The following RYR3 variants were observed in gnomAD, a reference collection of about 807,000 sequenced individuals.
The protein encoded by RYR3 is brain ryanodine receptor-calcium release channel.
Under a neutral mutation model 584.3 loss-of-function variants are expected in RYR3, and 207 were observed. The observed-to-expected ratio is 0.35, with a 90% CI of 0.32 to 0.40. The LOEUF is 0.40. Among genes scored for constraint, RYR3 ranks in the 10% least tolerant of loss-of-function variants. The pLI, the probability that RYR3 is intolerant of heterozygous loss-of-function variation, is 1.00. For synonymous variants in RYR3, 2,416 were observed against 2,248.5 expected, an observed-to-expected ratio of 1.07 and a Z score of -2.11; for missense variants, 5,616 against 6,089.2, an observed-to-expected ratio of 0.92 and a Z score of 2.59.
chr15:33,449,984 G>A (rs2046975074), intron 1 of RYR3, among the ~76,000 whole-genome samples: 1 of 150,568 alleles, frequency 6.6e-6, no homozygotes, highest in Non-Finnish European at 1.5e-5. Flanking sequence ...TTACTGCTTA[G>A]TGGCAGCCCT....
intron 64 of RYR3, among the ~76,000 whole-genome samples, chr15:33,779,289 T>C (rs1017763472): frequency 2.0e-5 from 3 of 152,050 alleles, no homozygotes. Context: ...TGCAATGGTG[T>C]GATCTCAAGC....
chr15:33,798,133 C>G (rs896489374), intron 67 of RYR3, among the ~76,000 whole-genome samples: 1 of 152,060 alleles, frequency 6.6e-6, no homozygotes, highest in African/African-American at 2.4e-5. Context: ...GTGGCCCAGG[C>G]TGGAATGCAA....
intron 1 of RYR3, among the ~76,000 whole-genome samples, chr15:33,436,003 CAGAGTTCTGATTGGTCCATTTT>C (rs2045693137): frequency 6.6e-6 from 1 of 152,142 alleles, no homozygotes; most frequent in Non-Finnish European, 1.5e-5. Context: ...GTCCATTTTA[CAGAGTTCTGATTGGTCCATTTT>C]ACAAAGTGCT....
chr15:33,551,906 T>A (rs2056705246), intron 10 of RYR3, among the ~76,000 whole-genome samples: 1 of 152,206 alleles, frequency 6.6e-6, no homozygotes, highest in Non-Finnish European at 1.5e-5. Flanking sequence ...GAACAGAGAC[T>A]GGGACATGGA....
rs144099013 is a variant in RYR3 at position 33,327,844 on chromosome 15, T to C, written c.51+16748T>C. 2.0e-3 allele frequency among the ~76,000 whole-genome samples: 312 copies of C among 152,304 alleles called. 3 individuals carry two copies. Among genetic ancestry groups the C allele is most frequent in the Admixed American group, 0.019 (285 of 15,286 alleles). On this transcript the variant is annotated intron_variant, in intron 1 of 103. Transcript: ENST00000634891. ...TTTTTCATTCATCATTTCTGCATGG[T>C]CTCATTGATTAGACTAGATATTCTG...
At chr15:33,754,195 C>CTG (rs2152856075) in intron 57 of RYR3, among the ~76,000 whole-genome samples, 1 of 152,210 alleles carries the variant, frequency 6.6e-6, no homozygotes, top group Non-Finnish European at 1.5e-5. Flanking sequence ...TCATGCTATC[C>CTG]TCATCCTCCT....
chr15:33,699,580 T>C, intron 40 of RYR3, 124 bp from the exon 41 acceptor site: 2 of 788,760 alleles, frequency 2.5e-6, no homozygotes, highest in Non-Finnish European at 3.9e-6. Flanking sequence ...AGAAAAAAAA[T>C]GGAAGGAGAA....
intron 101 of RYR3, 47 bp from the exon 102 acceptor site, chr15:33,861,031 C>CCTATATTATGCCAACAAAT: frequency 7.5e-7 from 1 of 1,332,824 alleles, no homozygotes; most frequent in Non-Finnish European, 1.1e-6. Context: ...TTCTCTCCTG[C>CCTATATTATGCCAACAAAT]CTATATTATG....
chr15:33,790,407 A>T (rs2075085024), intron 67 of RYR3, among the ~76,000 whole-genome samples: 1 of 152,166 alleles, frequency 6.6e-6, no homozygotes, highest in Admixed American at 6.5e-5. Context: ...TCTGTTTTGA[A>T]GGTAGAGCCC....
chr15:33,625,096 C>T (rs993678620), intron 20 of RYR3, among the ~76,000 whole-genome samples: 1 of 152,098 alleles, frequency 6.6e-6, no homozygotes, highest in Non-Finnish European at 1.5e-5. Flanking sequence ...GCTGGGGAGG[C>T]CTCAGGAAAC....
At chr15:33,841,826 C>G (rs1412466252) in intron 90 of RYR3, 38 bp from the exon 91 acceptor site, 5 of 1,561,246 alleles carry the variant, frequency 3.2e-6, no homozygotes, top group Non-Finnish European at 4.3e-6. Context: ...AGACCGCCCT[C>G]CCGTCTGCCC....
chr15:33,864,358 C>T (rs1273160626), intron 103 of RYR3, among the ~76,000 whole-genome samples, 169 bp downstream of exon 103: 2 of 151,804 alleles, frequency 1.3e-5, no homozygotes, highest in Non-Finnish European at 3.0e-5. Context: ...TCCTGTTTAT[C>T]CTTCCCAACA....
chr15:33,854,995 C>T (rs762407579), intron 98 of RYR3, 83 bp downstream of exon 98: 2 of 1,324,696 alleles, frequency 1.5e-6, no homozygotes, highest in Non-Finnish European at 2.0e-6. Context: ...CAGTATATGA[C>T]AGGAAGGAAT....
At chr15:33,683,960 G>A (rs969847303) in intron 38 of RYR3, among the ~76,000 whole-genome samples, 1 of 152,254 alleles carries the variant, frequency 6.6e-6, no homozygotes, top group African/African-American at 2.4e-5. Context: ...TGAGGCTTGA[G>A]TAGGTAAACG....
intron 63 of RYR3, 59 bp from the exon 64 acceptor site, chr15:33,773,473 TCA>T: frequency 3.2e-6 from 4 of 1,239,948 alleles, no homozygotes; most frequent in Admixed American, 3.9e-5. Flanking sequence ...TTTTTCCTCT[TCA>T]TGGATCCTTT....
chr15:33,580,578 A>G (rs558581497), intron 13 of RYR3, among the ~76,000 whole-genome samples: 106 of 152,320 alleles, frequency 7.0e-4, no homozygotes, highest in African/African-American at 2.4e-3. Context: ...AGAATTGAGC[A>G]TCTGAGTCAC....
At chr15:33,373,655 C>T (rs2040504114) in intron 1 of RYR3, among the ~76,000 whole-genome samples, 1 of 152,006 alleles carries the variant, frequency 6.6e-6, no homozygotes, top group Admixed American at 6.6e-5. Flanking sequence ...GATACATTTC[C>T]AGGAGATAAC....
At chr15:33,533,056 G>A (rs546323728) in intron 4 of RYR3, among the ~76,000 whole-genome samples, 10 of 152,308 alleles carry the variant, frequency 6.6e-5, no homozygotes, top group African/African-American at 2.4e-4. Context: ...GTCTGAGGCT[G>A]CAGTGAGCTA....
At chr15:33,821,638 G>C (rs575098051) in intron 80 of RYR3, 36 bp downstream of exon 80, 1 of 1,597,782 alleles carries the variant, frequency 6.3e-7, no homozygotes, top group South Asian at 1.1e-5. Context: ...CAGGCTCCCG[G>C]GGTATTCCCA....
Sources: gnomAD v4.1 joint callset for allele counts (sites outside exome capture counted in the v4.1 genomes callset) on GRCh38, gnomAD v4.1.1 for gene constraint, MANE v1.5 for transcripts, NCBI Gene and HGNC (gene_info 2026-07-23, HGNC 2026-07-21) for gene names.